LSS: variants seen among roughly 807,000 people sequenced by gnomAD.
The protein encoded by LSS is lanosterol synthase.
In LSS, 90 loss-of-function variants were observed where a neutral mutation model predicts 110.3. The observed-to-expected ratio is 0.82, with a 90% confidence interval of 0.69 to 0.97. The LOEUF (loss-of-function observed/expected upper bound fraction) is 0.97. Among genes scored for constraint, LSS ranks in the 50% least tolerant of loss-of-function variants. LSS has a pLI of 0.00. For synonymous variants in LSS, 433 were observed against 400.0 expected (o/e 1.08, Z -0.98); for missense variants, 927 against 990.0 (o/e 0.94, Z 0.85).
Position 46,228,429 on chromosome 21 carries a change from C to T in LSS, c.180+5G>A. 1 of 1,601,882 alleles carries T rather than the reference C, an allele frequency of 6.2e-7. No homozygotes were observed. Among genetic ancestry groups the T allele is most frequent in the Non-Finnish European group, 8.5e-7 (1 of 1,179,450 alleles). Reference sequence around the variant, plus strand: ...GCTCGCTGACGCTCCGCGGAAGCAACTTACGGTGTCCAGCCCCAGGGCGTA... The same window carrying T: ...GCTCGCTGACGCTCCGCGGAAGCAATTTACGGTGTCCAGCCCCAGGGCGTA... On this transcript the variant is annotated splice_donor_5th_base_variant and intron_variant, in intron 2 of 21. Transcript: ENST00000397728.
chr21:46,206,540 T>C, intron 16 of LSS, 132 bp downstream of exon 16: 1 of 749,744 alleles, frequency 1.3e-6, no homozygotes, highest in Non-Finnish European at 2.3e-6. Context: ...GAGGGAGGGC[T>C]CCAGACAGAT....
chr21:46,196,150 G>C (rs1401185292), intron 18 of LSS, 52 bp downstream of exon 18: 2 of 1,559,338 alleles, frequency 1.3e-6, no homozygotes, highest in Non-Finnish European at 1.8e-6. Context: ...TGTGAGAGCA[G>C]AAACCTGTGG....
At chr21:46,198,829 C>CAAAAAAAAAA (rs35148484) in intron 17 of LSS, among the ~76,000 whole-genome samples, 9 of 73,446 alleles carry the variant, frequency 1.2e-4, no homozygotes, top group Admixed American at 3.1e-4. Context: ...CATCCACATG[C>CAAAAAAAAAA]AAAAAAAAAA....
chr21:46,208,428 C>T, intron 13 of LSS, 127 bp from the exon 14 acceptor site: 1 of 831,276 alleles, frequency 1.2e-6, no homozygotes. Flanking sequence ...GCTTACTCTG[C>T]CGGCCACAGC....
intron 3 of LSS, among the ~76,000 whole-genome samples, chr21:46,226,865 T>C (rs2080347288): frequency 6.6e-6 from 1 of 152,148 alleles, no homozygotes; most frequent in Non-Finnish European, 1.5e-5. Context: ...TATTACAAAG[T>C]CAGCGTAGTA....
intron 3 of LSS, chr21:46,225,464 C>CT (rs2080326447): frequency 4.5e-6 from 2 of 449,050 alleles, no homozygotes; most frequent in Non-Finnish European, 8.9e-6. Context: ...CTCCCTTTCC[C>CT]CGGGGGAGTT....
intron 2 of LSS, among the ~76,000 whole-genome samples, 183 bp downstream of exon 2, chr21:46,228,251 C>A (rs1237730208): frequency 6.6e-6 from 1 of 152,210 alleles, no homozygotes; most frequent in African/African-American, 2.4e-5. Flanking sequence ...GTCTCCTATG[C>A]GTGGTTTAGA....
intron 3 of LSS, among the ~76,000 whole-genome samples, chr21:46,225,982 C>T (rs1038458320): frequency 2.0e-5 from 3 of 152,086 alleles, no homozygotes; most frequent in Non-Finnish European, 4.4e-5. Context: ...CTCTCATCTC[C>T]GCACACAGGG....
At position 46,225,706 on chromosome 21, in the gene LSS, T is replaced by C. The variant is rs182734500; in HGVS notation, c.319+1846A>G. 5.4e-3 allele frequency among the ~76,000 whole-genome samples: 812 copies of C among 150,952 alleles called. 4 individuals carry two copies. Among genetic ancestry groups the C allele is most frequent in the African/African-American group, 0.019 (782 of 41,296 alleles). On this transcript the variant is annotated intron_variant, in intron 3 of 21. Transcript: ENST00000397728. Reference sequence around the variant, plus strand: ...TATGCAGAAATAATGGCATAAGCTGTCTCTCTCTCTCTCTCTCCCACTCTC... The same window carrying C: ...TATGCAGAAATAATGGCATAAGCTGCCTCTCTCTCTCTCTCTCCCACTCTC...
At chr21:46,207,394 G>A in intron 15 of LSS, 34 bp downstream of exon 15, 1 of 1,607,702 alleles carries the variant, frequency 6.2e-7, no homozygotes, top group Non-Finnish European at 8.5e-7. Flanking sequence ...CAGGACACGA[G>A]GTATGGACGG....
At chr21:46,227,310 C>G (rs2080352172) in intron 3 of LSS, 2 of 515,548 alleles carry the variant, frequency 3.9e-6, no homozygotes, top group Admixed American at 6.6e-5. Flanking sequence ...CAAGGCAACA[C>G]AGAGCCCTAG....
chr21:46,209,004 G>A lies in LSS; in HGVS notation c.1266+550C>T, dbSNP rs945001088. On this transcript the variant is annotated intron_variant, in intron 13 of 21. Coordinates refer to ENST00000397728, the MANE Select transcript of LSS (RefSeq NM_002340.6). The surrounding 1 kb of genome is among the most constrained non-coding windows in gnomAD (Gnocchi z 4.4). Reference sequence around the variant, plus strand: ...AGGCCGTGGCCGGGACAGGGTGTGGGAGACACGGGAGGTTGGGGCGCATGT... The same window carrying A: ...AGGCCGTGGCCGGGACAGGGTGTGGAAGACACGGGAGGTTGGGGCGCATGT... 1.3e-5 allele frequency among the ~76,000 whole-genome samples: 2 copies of A among 152,206 alleles called. No homozygotes were observed. Among genetic ancestry groups the A allele is most frequent in the African/African-American group, 4.8e-5 (2 of 41,454 alleles).
chr21:46,228,375 T>C, intron 2 of LSS, 59 bp downstream of exon 2: 2 of 1,559,544 alleles, frequency 1.3e-6, no homozygotes, highest in Middle Eastern at 3.5e-4. Flanking sequence ...GAAAACGTGC[T>C]CCTCACGGCT....
chr21:46,214,561 C>A (rs1179382410), intron 9 of LSS, among the ~76,000 whole-genome samples: 1 of 152,204 alleles, frequency 6.6e-6, no homozygotes, highest in East Asian at 1.9e-4. Context: ...ACCCACTACA[C>A]CGCAGCAGCT....
intron 11 of LSS, among the ~76,000 whole-genome samples, chr21:46,211,615 C>A (rs1375430199): frequency 1.3e-5 from 2 of 152,094 alleles, no homozygotes; most frequent in Non-Finnish European, 2.9e-5. Flanking sequence ...GGGGACTGGG[C>A]AGGGGGTGGT....
At chr21:46,200,313 A>T (rs1412234695) in intron 17 of LSS, among the ~76,000 whole-genome samples, 1 of 152,244 alleles carries the variant, frequency 6.6e-6, no homozygotes, top group African/African-American at 2.4e-5. Context: ...AAGAATCATC[A>T]TCAAATGCTA....
In LSS at chr21:46,198,358, C is replaced by CA. The variant is rs566866979; in HGVS notation, c.1671-2092dup. Among the ~76,000 whole-genome samples the CA allele has an allele frequency of 4.5e-3, 675 of 150,770 alleles. 2 individuals carry two copies. Among genetic ancestry groups the CA allele is most frequent in the Non-Finnish European group, 6.9e-3 (468 of 67,756 alleles). Reference sequence around the variant, plus strand: ...AACACAACGCCATTTACATTAGCACCAAAAAAATGAAATCCTTAGGTATAA... The same window carrying CA: ...AACACAACGCCATTTACATTAGCACCAAAAAAAATGAAATCCTTAGGTATAA... On this transcript the variant is annotated intron_variant, in intron 17 of 21. Coordinates refer to ENST00000397728, the MANE Select transcript of LSS (RefSeq NM_002340.6).
chr21:46,197,339 AAACAGTC>A (rs2079922318), intron 17 of LSS, among the ~76,000 whole-genome samples: 2 of 152,348 alleles, frequency 1.3e-5, no homozygotes, highest in South Asian at 4.1e-4. Context: ...TAGAGAACCT[AAACAGTC>A]CTAAAACTAC....
At position 46,194,163 on chromosome 21, in the gene LSS, C is replaced by A. The variant is rs1378315514; in HGVS notation, c.1988+328G>T. ...GCTGTGACCGTCATCACTACCACAC[C>A]AGGAAGCAGCATCCTCATCGCAGCC... On this transcript the variant is annotated intron_variant, in intron 20 of 21. Coordinates refer to ENST00000397728, the MANE Select transcript of LSS (RefSeq NM_002340.6). Among the ~76,000 whole-genome samples, 3 of 152,194 alleles carry A rather than the reference C, an allele frequency of 2.0e-5. No homozygotes were observed. The East Asian group carries it at 5.8e-4, about 29-fold the overall frequency.
Sources: gnomAD v4.1 joint callset for allele counts (sites outside exome capture counted in the v4.1 genomes callset) on GRCh38, gnomAD v4.1.1 for gene constraint, Gnocchi (gnomAD v3.1) non-coding constraint, MANE v1.5 for transcripts, NCBI Gene and HGNC (gene_info 2026-07-23, HGNC 2026-07-21) for gene names.